The following PDE6A variants were observed in gnomAD, a reference collection of about 807,000 sequenced individuals.
PDE6A encodes the protein phosphodiesterase 6A, also known as rod cGMP-specific 3',5'-cyclic phosphodiesterase subunit alpha.
In PDE6A, 84 loss-of-function variants were observed where a neutral mutation model predicts 106.3. The observed-to-expected ratio is 0.79, with a 90% CI of 0.66 to 0.95. The LOEUF (loss-of-function observed/expected upper bound fraction) is 0.95. Ranked by LOEUF, PDE6A falls within the 40% of genes least tolerant of loss-of-function variation. PDE6A has a pLI of 0.00. For synonymous variants in PDE6A, 394 were observed against 386.6 expected, an observed-to-expected ratio of 1.02 and a Z score of -0.23; for missense variants, 1,052 against 1,084.9, an observed-to-expected ratio of 0.97 and a Z score of 0.43.
intron 17 of PDE6A, among the ~76,000 whole-genome samples, chr5:149,879,982 C>G (rs1441665142): frequency 6.6e-6 from 1 of 152,180 alleles, no homozygotes; most frequent in African/African-American, 2.4e-5. Flanking sequence ...TAGTATAAAA[C>G]CCACTTTGAA....
At chr5:149,900,375 GTATATATA>G (rs55680278) in intron 8 of PDE6A, among the ~76,000 whole-genome samples, 1,246 of 82,652 alleles carry the variant, frequency 0.015, 101 homozygotes, top group African/African-American at 0.044. Context: ...AAATATATAT[GTATATATA>G]TATATATATA....
intron 4 of PDE6A, among the ~76,000 whole-genome samples, chr5:149,930,079 G>C (rs1328384756): frequency 6.6e-6 from 1 of 152,060 alleles, no homozygotes; most frequent in East Asian, 1.9e-4. Context: ...CAATATAAAG[G>C]CTCATTAAAA....
intron 21 of PDE6A, among the ~76,000 whole-genome samples, chr5:149,862,227 G>A (rs932922909): frequency 6.6e-6 from 1 of 152,214 alleles, no homozygotes; most frequent in Non-Finnish European, 1.5e-5. Flanking sequence ...AGTGCTGTCA[G>A]TAGTAAAGAG....
chr5:149,925,722 A>G (rs924547488), intron 4 of PDE6A, among the ~76,000 whole-genome samples: 1 of 151,734 alleles, frequency 6.6e-6, no homozygotes, highest in African/African-American at 2.4e-5. Flanking sequence ...AAAAAAAAAA[A>G]AAGAGTTAGT....
intron 10 of PDE6A, among the ~76,000 whole-genome samples, 195 bp downstream of exon 10, chr5:149,898,168 A>C (rs549102936): frequency 2.0e-5 from 3 of 152,274 alleles, no homozygotes; most frequent in African/African-American, 7.2e-5. Flanking sequence ...TCATCTGCTC[A>C]TGCACTCATT....
rs1554091222 is a variant in PDE6A at position 149,920,996 on chromosome 5, A to AAGAAAGAAAGAAAGAG, written c.933+638_933+639insCTCTTTCTTTCTTTCT. ...AAAGAAAGAAAGAAAGAAAGAAAGA[A>AAGAAAGAAAGAAAGAG]AAAGAAAGAAAATAGAAAACCTACG... On this transcript the variant is annotated intron_variant, in intron 5 of 21. Coordinates refer to ENST00000255266, the MANE Select transcript of PDE6A (RefSeq NM_000440.3). 9.2e-3 allele frequency among the ~76,000 whole-genome samples: 846 copies of AAGAAAGAAAGAAAGAG among 91,582 alleles called. 17 individuals carry two copies. The highest frequency in any genetic ancestry group is 0.023 in the African/African-American group (715 of 31,014). 60.1% of individuals were successfully genotyped at this position (91,582 alleles called of 152,430 possible).
intron 8 of PDE6A, among the ~76,000 whole-genome samples, chr5:149,900,375 G>GTGTATATATATATATATA (rs371287292): frequency 9.8e-4 from 81 of 82,640 alleles, no homozygotes; most frequent in Non-Finnish European, 1.4e-3. Flanking sequence ...AAATATATAT[G>GTGTATATATATATATATA]TATATATATA....
intron 1 of PDE6A, among the ~76,000 whole-genome samples, chr5:149,940,505 C>CTTTTTTTTTTTTTTTT (rs56930344): frequency 1.4e-5 from 2 of 142,012 alleles, no homozygotes; most frequent in Admixed American, 1.4e-4. Context: ...TGTTTGAATC[C>CTTTTTTTTTTTTTTTT]TTTTTTTTTT....
intron 13 of PDE6A, among the ~76,000 whole-genome samples, chr5:149,894,494 A>G (rs1270094603): frequency 6.6e-6 from 1 of 152,106 alleles, no homozygotes; most frequent in East Asian, 1.9e-4. Context: ...TTTCCACATT[A>G]CTATGACTTG....
chr5:149,911,388 T>C (rs567474277), intron 6 of PDE6A, among the ~76,000 whole-genome samples: 39 of 152,342 alleles, frequency 2.6e-4, no homozygotes, highest in African/African-American at 9.1e-4. Flanking sequence ...CCCCTTCTGC[T>C]CAACTCATTG....
At chr5:149,903,159 A>AAC (rs1554089490) in intron 8 of PDE6A, among the ~76,000 whole-genome samples, 2 of 149,116 alleles carry the variant, frequency 1.3e-5, no homozygotes, top group African/African-American at 4.9e-5. Flanking sequence ...AAAAAAAAAA[A>AAC]AAAAAAAAAC....
intron 4 of PDE6A, among the ~76,000 whole-genome samples, chr5:149,923,106 T>C (rs1412130949): frequency 6.6e-6 from 1 of 152,258 alleles, no homozygotes; most frequent in Admixed American, 6.5e-5. Context: ...CTGGCCTTGC[T>C]GTGCAGCAGA....
chr5:149,869,002 C>G (rs1002239667), intron 17 of PDE6A, among the ~76,000 whole-genome samples: 1 of 152,148 alleles, frequency 6.6e-6, no homozygotes, highest in Non-Finnish European at 1.5e-5. Context: ...GTAAAGAGAA[C>G]TGTGAACAGC....
At chr5:149,873,574 C>T (rs963067768) in intron 17 of PDE6A, among the ~76,000 whole-genome samples, 5 of 152,108 alleles carry the variant, frequency 3.3e-5, no homozygotes, top group East Asian at 1.9e-4. Flanking sequence ...TCAAGTGATC[C>T]GCCCGCCTTG....
At chr5:149,929,433 C>T (rs1052204053) in intron 4 of PDE6A, among the ~76,000 whole-genome samples, 12 of 151,934 alleles carry the variant, frequency 7.9e-5, no homozygotes, top group African/African-American at 2.7e-4. Context: ...AGTGAAACCC[C>T]GTCTCTACTA....
intron 13 of PDE6A, among the ~76,000 whole-genome samples, chr5:149,893,062 G>A (rs1213268550): frequency 6.6e-6 from 1 of 152,172 alleles, no homozygotes; most frequent in Admixed American, 6.5e-5. Context: ...CAGTAGTGCA[G>A]AACTTTAGTG....
intron 21 of PDE6A, among the ~76,000 whole-genome samples, chr5:149,862,766 A>C (rs1316251707): frequency 6.6e-6 from 1 of 152,178 alleles, no homozygotes; most frequent in Non-Finnish European, 1.5e-5. Context: ...TCAAAAAATA[A>C]ATAAATAAAA....
At chr5:149,918,414 T>C (rs1753616882) in intron 5 of PDE6A, among the ~76,000 whole-genome samples, 1 of 152,196 alleles carries the variant, frequency 6.6e-6, no homozygotes, top group South Asian at 2.1e-4. Flanking sequence ...GGAATACGTA[T>C]ACTTCTCTGT....
At position 149,911,179 on chromosome 5, in the gene PDE6A, C is replaced by T. The variant is rs139681822; in HGVS notation, c.998+3764G>A. Among the ~76,000 whole-genome samples the T allele has an allele frequency of 4.6e-5, 7 of 152,164 alleles. No homozygotes were observed. The East Asian group carries it at 1.4e-3, about 29-fold the overall frequency. On this transcript the variant is annotated intron_variant, in intron 6 of 21. Coordinates refer to ENST00000255266, the MANE Select transcript of PDE6A (RefSeq NM_000440.3). ...TATAGGTGTGAGCCACTGTGCCCGG[C>T]AACAAGCCAGTTTCAATTGGCATGA...
Sources: gnomAD v4.1 joint callset for allele counts (sites outside exome capture counted in the v4.1 genomes callset) on GRCh38, gnomAD v4.1.1 for gene constraint, MANE v1.5 for transcripts, NCBI Gene and HGNC (gene_info 2026-07-23, HGNC 2026-07-21) for gene names.